FAM83B: variants seen among roughly 807,000 people sequenced by gnomAD.
FAM83B encodes scaffolding CK1 anchoring protein B.
Under a neutral mutation model 38.8 loss-of-function variants are expected in FAM83B, and 26 were observed. The observed-to-expected ratio is 0.67, with a 90% CI of 0.49 to 0.93. The LOEUF (loss-of-function observed/expected upper bound fraction) is 0.93. Ranked by LOEUF, FAM83B falls within the 40% of genes least tolerant of loss-of-function variation. FAM83B has a pLI of 0.00. For missense variants in FAM83B, 1,237 were observed against 1,197.3 expected (o/e 1.03, Z -0.49); for synonymous variants, 419 against 423.1 (o/e 0.99, Z 0.12).
chr6:54,862,100 G>C lies in FAM83B; in HGVS notation c.-60-8087G>C, dbSNP rs980069623. On this transcript the variant is annotated intron_variant, in intron 1 of 4. Coordinates refer to ENST00000306858, the MANE Select transcript of FAM83B (RefSeq NM_001010872.3). ...GTGGGGTCATAATGGGTTTGTTTTCGTATTCCAGCCGTTGTACTCAGGCAC... is the reference window on the plus strand; with the variant it reads ...GTGGGGTCATAATGGGTTTGTTTTCCTATTCCAGCCGTTGTACTCAGGCAC... Among the ~76,000 whole-genome samples the C allele has an allele frequency of 2.0e-5, 3 of 152,120 alleles. No individual in the cohort carries two copies. The East Asian group carries it at 5.8e-4, about 29-fold the overall frequency.
chr6:54,875,684 GAA>G (rs1329374744), intron 2 of FAM83B, among the ~76,000 whole-genome samples: 5 of 151,292 alleles, frequency 3.3e-5, no homozygotes, highest in African/African-American at 1.2e-4. Context: ...AGGGAAGGTG[GAA>G]GAAAGGGAGA....
intron 2 of FAM83B, among the ~76,000 whole-genome samples, chr6:54,916,267 T>TGACA (rs1446678669): frequency 2.6e-5 from 4 of 152,166 alleles, no homozygotes. Context: ...TCTTTTTTCA[T>TGACA]GACAGACACC....
chr6:54,848,686 C>A (rs761311629), intron 1 of FAM83B, among the ~76,000 whole-genome samples: 1 of 152,182 alleles, frequency 6.6e-6, no homozygotes, highest in Non-Finnish European at 1.5e-5. Flanking sequence ...AGCAACTAAC[C>A]TACTTGTTTC....
chr6:54,939,702 C>T lies in FAM83B; in HGVS notation c.735-4C>T. ...GATTAAAATTTTTCCATTTTTTTCC[C>T]CAGTTATATGTGGTCATTTGAGAAA... On this transcript the variant is annotated splice_region_variant and splice_polypyrimidine_tract_variant and intron_variant, in intron 4 of 4. Coordinates refer to ENST00000306858, the MANE Select transcript of FAM83B (RefSeq NM_001010872.3). 1 of 1,547,762 alleles carries T rather than the reference C, an allele frequency of 6.5e-7. No individual in the cohort carries two copies. Among genetic ancestry groups the T allele is most frequent in the South Asian group, 1.2e-5 (1 of 81,024 alleles).
At position 54,940,571 on chromosome 6, in the gene FAM83B, C is replaced by T. The variant is rs756327590; in HGVS notation, c.1600C>T (p.Leu534Phe). The part of the protein sequence containing the change: ...DNPENLKANA[L>F]YTHSRLRSSL... ...TCCTGAGAATTTGAAGGCCAATGCC[C>T]TTTATACTCATTCTCGGCTTCGTTC... The change falls in exon 5 of 5, where the codon CTT becomes TTT. Residue 534 changes from leucine (L) to phenylalanine (F), a missense_variant. Coordinates refer to ENST00000306858, the MANE Select transcript of FAM83B (RefSeq NM_001010872.3). 6.2e-7 allele frequency: 1 copy of T among 1,614,046 alleles called. No individual in the cohort carries two copies. Among genetic ancestry groups the T allele is most frequent in the Non-Finnish European group, 8.5e-7 (1 of 1,180,022 alleles).
chr6:54,873,721 A>G (rs1400056894), intron 2 of FAM83B, among the ~76,000 whole-genome samples: 2 of 145,782 alleles, frequency 1.4e-5, no homozygotes, highest in African/African-American at 5.1e-5. Context: ...TAAATATCTC[A>G]GGGAGAATCT....
intron 1 of FAM83B, among the ~76,000 whole-genome samples, chr6:54,859,504 G>A (rs1438082377): frequency 6.6e-6 from 1 of 152,126 alleles, no homozygotes; most frequent in African/African-American, 2.4e-5. Flanking sequence ...ATTTAGAATT[G>A]TACTAAACAG....
chr6:54,923,233 T>C (rs1773211577), intron 2 of FAM83B, among the ~76,000 whole-genome samples: 1 of 152,132 alleles, frequency 6.6e-6, no homozygotes, highest in South Asian at 2.1e-4. Flanking sequence ...AATAATCCTT[T>C]AATATCTAAT....
At chr6:54,863,182 A>T (rs2127573625) in intron 1 of FAM83B, among the ~76,000 whole-genome samples, 1 of 152,308 alleles carries the variant, frequency 6.6e-6, no homozygotes, top group Admixed American at 6.5e-5. Flanking sequence ...CCCTCTCCAA[A>T]AATGTGTCCT....
At chr6:54,917,514 G>C (rs1773073405) in intron 2 of FAM83B, among the ~76,000 whole-genome samples, 1 of 151,570 alleles carries the variant, frequency 6.6e-6, no homozygotes, top group South Asian at 2.1e-4. Flanking sequence ...TTCATGATTG[G>C]TGAAAATAAC....
intron 2 of FAM83B, among the ~76,000 whole-genome samples, chr6:54,880,293 T>C (rs1210110423): frequency 1.3e-5 from 2 of 152,362 alleles, no homozygotes; most frequent in South Asian, 2.1e-4. Flanking sequence ...TGGATTTTTT[T>C]CCACCTGTTT....
At chr6:54,927,373 A>G (rs1440904668) in intron 3 of FAM83B, 135 bp from the exon 4 acceptor site, 2 of 586,758 alleles carry the variant, frequency 3.4e-6, no homozygotes, top group Admixed American at 7.0e-5. Context: ...TAAGGATTTA[A>G]TATTTGGGAG....
intron 2 of FAM83B, among the ~76,000 whole-genome samples, chr6:54,900,236 A>G (rs754291011): frequency 1.6e-4 from 24 of 152,172 alleles, no homozygotes; most frequent in Non-Finnish European, 2.9e-4. Context: ...GAACCAATCT[A>G]TTTTTAGATC....
chr6:54,880,148 G>A (rs12208341), intron 2 of FAM83B, among the ~76,000 whole-genome samples: 56,219 of 152,080 alleles, frequency 0.37, 12,659 homozygotes, highest in Non-Finnish European at 0.51. Context: ...TCATACAGAT[G>A]GGGGGAAAAG....
At chr6:54,876,277 G>GCA (rs1468747963) in intron 2 of FAM83B, among the ~76,000 whole-genome samples, 1 of 94,236 alleles carries the variant, frequency 1.1e-5, no homozygotes, top group Non-Finnish European at 2.1e-5. Flanking sequence ...ATTTAGGAGT[G>GCA]CATATATATA....
intron 1 of FAM83B, among the ~76,000 whole-genome samples, chr6:54,854,281 G>C (rs1252917775): frequency 6.6e-6 from 1 of 152,208 alleles, no homozygotes; most frequent in Admixed American, 6.5e-5. Flanking sequence ...ACAGCAGCAG[G>C]ATTTAAGAAG....
At position 54,936,034 on chromosome 6, in the gene FAM83B, A is replaced by T. The variant is rs1014543764; in HGVS notation, c.735-3672A>T. On this transcript the variant is annotated intron_variant, in intron 4 of 4. Transcript: ENST00000306858. ...TAGAGATTGGACACAGATTCCAGAG[A>T]TGAGGAAGAGGTCAGCACTGGCAAT... Among the ~76,000 whole-genome samples, 8 of 152,068 alleles carry T rather than the reference A, an allele frequency of 5.3e-5. 1 individual carries two copies. Among genetic ancestry groups the T allele is most frequent in the Non-Finnish European group, 8.8e-5 (6 of 68,010 alleles).
At chr6:54,925,738 C>G (rs1477384786) in intron 2 of FAM83B, among the ~76,000 whole-genome samples, 1 of 151,796 alleles carries the variant, frequency 6.6e-6, no homozygotes, top group Admixed American at 6.6e-5. Flanking sequence ...ATATGGAGGT[C>G]CTGCTTTCCA....
intron 2 of FAM83B, among the ~76,000 whole-genome samples, chr6:54,903,670 C>T (rs1413692958): frequency 1.3e-5 from 2 of 152,010 alleles, no homozygotes; most frequent in African/African-American, 4.8e-5. Flanking sequence ...TTCTTAACTG[C>T]TATAAAATCG....
Sources: gnomAD v4.1 joint callset for allele counts (sites outside exome capture counted in the v4.1 genomes callset) on GRCh38, gnomAD v4.1.1 for gene constraint, MANE v1.5 for transcripts, NCBI Gene and HGNC (gene_info 2026-07-23, HGNC 2026-07-21) for gene names.